Variants in SUSD6 observed in about 807,000 individuals in gnomAD.
The protein encoded by SUSD6 is sushi domain-containing protein 6.
In SUSD6, 16 loss-of-function variants were observed where a neutral mutation model predicts 28.4. The ratio of observed to expected loss-of-function variants is 0.56; its 90% CI spans 0.38 to 0.86. The LOEUF (loss-of-function observed/expected upper bound fraction) is 0.86. SUSD6 is among the 40% of genes least tolerant of loss of function. SUSD6 has a pLI of 0.00. For synonymous variants in SUSD6, 147 were observed against 159.6 expected (o/e 0.92, Z 0.59); for missense variants, 341 against 384.2 (o/e 0.89, Z 0.94).
chr14:69,710,877 A>G, intron 5 of SUSD6, 77 bp from the exon 6 acceptor site: 1 of 1,367,624 alleles, frequency 7.3e-7, no homozygotes, highest in African/African-American at 1.4e-5. Flanking sequence ...GATAGCCCCT[A>G]AGTTGCAGTG....
intron 2 of SUSD6, among the ~76,000 whole-genome samples, chr14:69,692,658 C>T (rs1566605288): frequency 6.6e-6 from 1 of 152,170 alleles, no homozygotes; most frequent in Non-Finnish European, 1.5e-5. Context: ...TTGTGTGTTT[C>T]TTGAGGCCCT....
At chr14:69,616,977 C>G (rs1884968996) in intron 1 of SUSD6, 1 of 152,186 alleles carries the variant, frequency 6.6e-6, no homozygotes, top group African/African-American at 2.4e-5. Flanking sequence ...GGCAACCACT[C>G]ATCTTTCTCT....
intron 2 of SUSD6, among the ~76,000 whole-genome samples, chr14:69,683,454 A>G (rs1387996070): frequency 6.6e-6 from 1 of 152,222 alleles, no homozygotes; most frequent in Non-Finnish European, 1.5e-5. Context: ...GCTTTTGTTT[A>G]GAGAGGAAGG....
intron 2 of SUSD6, among the ~76,000 whole-genome samples, chr14:69,683,479 G>C (rs1010797748): frequency 1.4e-4 from 22 of 152,186 alleles, no homozygotes; most frequent in African/African-American, 5.1e-4. Context: ...TCCTGTAAAA[G>C]AGAGCACTAA....
rs115019537 is a variant in SUSD6 at position 69,637,231 on chromosome 14, G to A, written c.-80-21282G>A. ...AAGCCAGGTATCAGCTTAGACTGCC[G>A]CTTGCCCCATACTTGTGTGGGTGCC... is the stretch of plus-strand genomic sequence containing the variant. On this transcript the variant is annotated intron_variant, in intron 1 of 5. Coordinates refer to ENST00000342745, the MANE Select transcript of SUSD6 (RefSeq NM_014734.4). Among the ~76,000 whole-genome samples, 265 of 152,198 alleles carry A rather than the reference G, an allele frequency of 1.7e-3. 1 individual carries two copies. Among genetic ancestry groups the A allele is most frequent in the African/African-American group, 6.0e-3 (247 of 41,504 alleles).
rs557606102 is a variant in SUSD6, at chr14:69,685,466, C to A, written c.122-17929C>A. On this transcript the variant is annotated intron_variant, in intron 2 of 5. Transcript: ENST00000342745. ...TTCGGGGAAACCCAGGATGAGCTGT[C>A]ATTCTGAGTAACAGGCTTGTGCAGG... Among the ~76,000 whole-genome samples, 5 of 152,278 alleles carry A rather than the reference C, an allele frequency of 3.3e-5. No individual in the cohort carries two copies. In the South Asian group the frequency reaches 1.0e-3, roughly 32 times the overall value.
chr14:69,677,027 G>C (rs1001567490), intron 2 of SUSD6, among the ~76,000 whole-genome samples: 1 of 152,138 alleles, frequency 6.6e-6, no homozygotes. Context: ...CAGGGACCTG[G>C]GTTTTGATAT....
chr14:69,685,919 C>T (rs1311741327), intron 2 of SUSD6, among the ~76,000 whole-genome samples: 1 of 152,206 alleles, frequency 6.6e-6, no homozygotes, highest in East Asian at 1.9e-4. Flanking sequence ...CTTGAGCAGT[C>T]GTGAGGTGTG....
chr14:69,629,060 TG>T (rs1210351978), intron 1 of SUSD6, among the ~76,000 whole-genome samples: 4 of 150,484 alleles, frequency 2.7e-5, no homozygotes, highest in African/African-American at 4.9e-5. Context: ...GAAAGTTGGG[TG>T]GGGGATGAGG....
At chr14:69,623,083 G>A (rs1318752840) in intron 1 of SUSD6, among the ~76,000 whole-genome samples, 1 of 152,176 alleles carries the variant, frequency 6.6e-6, no homozygotes, top group Non-Finnish European at 1.5e-5. Context: ...ATGTTGAGAG[G>A]TGGGAAACCT....
intron 1 of SUSD6, among the ~76,000 whole-genome samples, chr14:69,640,400 C>T (rs1390978552): frequency 6.6e-6 from 1 of 152,070 alleles, no homozygotes; most frequent in East Asian, 1.9e-4. Context: ...GTAGCACAAT[C>T]ATAGCTTACT....
chr14:69,664,601 T>C (rs997258860), intron 2 of SUSD6, among the ~76,000 whole-genome samples: 1 of 152,116 alleles, frequency 6.6e-6, no homozygotes, highest in African/African-American at 2.4e-5. Context: ...CATTGAGAAA[T>C]TACCCTCTGC....
chr14:69,708,869 G>A lies in SUSD6; in HGVS notation c.651G>A (p.Leu217=). 4 of 1,614,156 alleles carry A rather than the reference G, an allele frequency of 2.5e-6. 1 individual carries two copies. Residue 217 remains leucine (L), a synonymous_variant, in exon 5 of 6, where the codon CTG becomes CTA. Coordinates refer to ENST00000342745, the MANE Select transcript of SUSD6 (RefSeq NM_014734.4). ...SGRSVPREQQ[L]PDQGACSSAG... ...GGAGCGTGCCAAGGGAGCAACAGCT[G>A]CCGGACCAAGGGGCCTGCTCCTCTG... is the stretch of plus-strand genomic sequence containing the variant.
chr14:69,659,970 C>T lies in SUSD6; in HGVS notation c.121+1257C>T, dbSNP rs139017020. Among the ~76,000 whole-genome samples the T allele has an allele frequency of 7.4e-4, 112 of 152,282 alleles. 1 individual carries two copies. In the Middle Eastern group the frequency reaches 0.017, roughly 23 times the overall value. On this transcript the variant is annotated intron_variant, in intron 2 of 5. Transcript: ENST00000342745. ...AGGCCTCTGGGTGGTGTGCCACAAC[C>T]TACCTCTGTGTCTACACTCCAGAAT...
chr14:69,617,966 T>C (rs187320992), intron 1 of SUSD6, among the ~76,000 whole-genome samples: 23 of 152,176 alleles, frequency 1.5e-4, no homozygotes, highest in Non-Finnish European at 2.2e-4. Context: ...TAACCCGAGG[T>C]TAAAAACAGA....
intron 1 of SUSD6, among the ~76,000 whole-genome samples, chr14:69,652,530 G>A (rs1157450751): frequency 1.3e-5 from 2 of 152,120 alleles, no homozygotes; most frequent in Non-Finnish European, 2.9e-5. Context: ...GCAGCACCTG[G>A]GAGCCACGCT....
intron 1 of SUSD6, among the ~76,000 whole-genome samples, chr14:69,616,647 G>A (rs1884963379): frequency 6.6e-6 from 1 of 152,124 alleles, no homozygotes; most frequent in Non-Finnish European, 1.5e-5. Context: ...ACTGAGAGAT[G>A]TTTTTTGGTG....
At chr14:69,667,796 C>G (rs1885767150) in intron 2 of SUSD6, among the ~76,000 whole-genome samples, 1 of 152,174 alleles carries the variant, frequency 6.6e-6, no homozygotes, top group Non-Finnish European at 1.5e-5. Flanking sequence ...TATCTGTACA[C>G]ACTGCTTTCG....
intron 2 of SUSD6, among the ~76,000 whole-genome samples, chr14:69,698,258 G>T (rs780485515): frequency 1.5e-4 from 23 of 152,228 alleles, no homozygotes; most frequent in Non-Finnish European, 2.8e-4. Flanking sequence ...AACCCATGAG[G>T]CAGAGGTTGC....
Sources: gnomAD v4.1 joint callset for allele counts (sites outside exome capture counted in the v4.1 genomes callset) on GRCh38, gnomAD v4.1.1 for gene constraint, MANE v1.5 for transcripts, NCBI Gene and HGNC (gene_info 2026-07-23, HGNC 2026-07-21) for gene names.